Variants in ZRANB3 observed in about 807,000 individuals in gnomAD.
The protein encoded by ZRANB3 is zinc finger RANBP2-type containing 3.
ZRANB3 carries 125 observed loss-of-function variants against 133.8 expected under a neutral mutation model. The ratio of observed to expected loss-of-function variants is 0.93; its 90% CI spans 0.81 to 1.08. The LOEUF is 1.08. ZRANB3 is among the 50% of genes least tolerant of loss of function. ZRANB3 has a pLI of 0.00. For missense variants in ZRANB3, 1,229 were observed against 1,275.5 expected, an observed-to-expected ratio of 0.96 and a Z score of 0.56; for synonymous variants, 387 against 432.7, an observed-to-expected ratio of 0.89 and a Z score of 1.31.
At chr2:135,407,335 A>T (rs1320450223) in intron 2 of ZRANB3, among the ~76,000 whole-genome samples, 1 of 152,116 alleles carries the variant, frequency 6.6e-6, no homozygotes, top group Admixed American at 6.6e-5. Flanking sequence ...ATACAAACAA[A>T]TCGAAGAACA....
At chr2:135,513,922 G>T (rs1693587794) in intron 1 of ZRANB3, among the ~76,000 whole-genome samples, 1 of 152,068 alleles carries the variant, frequency 6.6e-6, no homozygotes, top group South Asian at 2.1e-4. Context: ...TTTTTGTCAG[G>T]TTTGTCAAAG....
At chr2:135,409,351 A>G (rs1688199741) in intron 2 of ZRANB3, among the ~76,000 whole-genome samples, 1 of 152,180 alleles carries the variant, frequency 6.6e-6, no homozygotes, top group Non-Finnish European at 1.5e-5. Context: ...TATCCAAACA[A>G]TATCACTGCA....
chr2:135,228,318 T>TG (rs1482789054), intron 13 of ZRANB3: 6 of 206,580 alleles, frequency 2.9e-5, no homozygotes, highest in Non-Finnish European at 5.8e-5. Context: ...TTTTGTTTTT[T>TG]TTTTTTTTTC....
chr2:135,333,174 G>C (rs1418160752), intron 6 of ZRANB3, among the ~76,000 whole-genome samples: 2 of 152,064 alleles, frequency 1.3e-5, no homozygotes, highest in Non-Finnish European at 2.9e-5. Flanking sequence ...CAACTTTCAT[G>C]AAACCTTTAA....
intron 2 of ZRANB3, among the ~76,000 whole-genome samples, chr2:135,483,310 A>T (rs1691925223): frequency 6.6e-6 from 1 of 152,242 alleles, no homozygotes; most frequent in Non-Finnish European, 1.5e-5. Context: ...TTATTAGTCT[A>T]TTCAGAGATT....
intron 12 of ZRANB3, among the ~76,000 whole-genome samples, chr2:135,233,184 A>G (rs991244746): frequency 3.3e-5 from 5 of 152,254 alleles, no homozygotes; most frequent in Non-Finnish European, 7.3e-5. Context: ...ACTGGAAGAA[A>G]GACTATCAGT....
intron 17 of ZRANB3, among the ~76,000 whole-genome samples, chr2:135,212,028 G>T (rs1015260308): frequency 6.6e-6 from 1 of 152,120 alleles, no homozygotes; most frequent in African/African-American, 2.4e-5. Context: ...CTAGCACAAT[G>T]TCATTTTTAA....
intron 2 of ZRANB3, among the ~76,000 whole-genome samples, chr2:135,464,577 C>G (rs1690902661): frequency 6.6e-6 from 1 of 152,168 alleles, no homozygotes; most frequent in African/African-American, 2.4e-5. Flanking sequence ...CAATAATTGG[C>G]TAAAGCTGAG....
chr2:135,524,506 A>G (rs750835379), intron 1 of ZRANB3, among the ~76,000 whole-genome samples: 6 of 152,236 alleles, frequency 3.9e-5, no homozygotes, highest in Non-Finnish European at 7.3e-5. Context: ...AAGAAGTCAT[A>G]TTTGGTATAT....
chr2:135,279,005 G>C (rs916112831), intron 8 of ZRANB3, among the ~76,000 whole-genome samples: 5 of 151,938 alleles, frequency 3.3e-5, no homozygotes, highest in Non-Finnish European at 1.5e-5. Context: ...ATTGATGACA[G>C]CTAAAATTAC....
At chr2:135,310,118 G>A (rs1362497489) in intron 8 of ZRANB3, among the ~76,000 whole-genome samples, 1 of 152,096 alleles carries the variant, frequency 6.6e-6, no homozygotes, top group Non-Finnish European at 1.5e-5. Context: ...TGTATTTTTA[G>A]TAGAGATGGG....
intron 3 of ZRANB3, among the ~76,000 whole-genome samples, chr2:135,375,835 A>C (rs1236396319): frequency 6.6e-6 from 1 of 152,002 alleles, no homozygotes; most frequent in Non-Finnish European, 1.5e-5. Context: ...CAGCCTGGGC[A>C]ACAAGAGCGA....
At chr2:135,329,667 G>T (rs1684035732) in intron 6 of ZRANB3, among the ~76,000 whole-genome samples, 1 of 152,160 alleles carries the variant, frequency 6.6e-6, no homozygotes, top group Non-Finnish European at 1.5e-5. Flanking sequence ...CCATTTTCAT[G>T]ATATTGATTC....
intron 2 of ZRANB3, among the ~76,000 whole-genome samples, chr2:135,463,179 A>C (rs1448679872): frequency 6.6e-6 from 1 of 152,140 alleles, no homozygotes; most frequent in Admixed American, 6.5e-5. Context: ...AATTGTTTTA[A>C]GTTGCTAAAA....
At chr2:135,437,175 GT>G (rs1331108424) in intron 2 of ZRANB3, among the ~76,000 whole-genome samples, 1 of 152,138 alleles carries the variant, frequency 6.6e-6, no homozygotes, top group Non-Finnish European at 1.5e-5. Context: ...GGTCAGGTTG[GT>G]CTCGAACTCC....
intron 19 of ZRANB3, among the ~76,000 whole-genome samples, chr2:135,206,994 G>A (rs148577362): frequency 0.099 from 15,078 of 151,758 alleles, 1,139 homozygotes; most frequent in Middle Eastern, 0.34. Context: ...GTGAAATCCC[G>A]TCTCTACTGA....
At chr2:135,470,152 C>T (rs1343084441) in intron 2 of ZRANB3, among the ~76,000 whole-genome samples, 2 of 148,244 alleles carry the variant, frequency 1.3e-5, no homozygotes, top group Non-Finnish European at 3.0e-5. Context: ...TGGCGAAACC[C>T]CATCTCTACT....
intron 2 of ZRANB3, among the ~76,000 whole-genome samples, chr2:135,416,982 C>T (rs150264148): frequency 0.26 from 40,144 of 151,960 alleles, 8,827 homozygotes; most frequent in African/African-American, 0.59. Context: ...AGACTTACCA[C>T]GTTAGACCTA....
chr2:135,295,120 G>C (rs1398199888), intron 8 of ZRANB3, among the ~76,000 whole-genome samples: 1 of 151,616 alleles, frequency 6.6e-6, no homozygotes, highest in Non-Finnish European at 1.5e-5. Flanking sequence ...GGTCCACTTG[G>C]TGCAGAGCTG....
Sources: gnomAD v4.1 joint callset for allele counts (sites outside exome capture counted in the v4.1 genomes callset) on GRCh38, gnomAD v4.1.1 for gene constraint, MANE v1.5 for transcripts, NCBI Gene and HGNC (gene_info 2026-07-23, HGNC 2026-07-21) for gene names.